Variants in TMEM221 observed in about 807,000 individuals in gnomAD.
TMEM221 encodes Putative transmembrane protein ENSP00000342162.
A neutral mutation model predicts 10.2 loss-of-function variants in TMEM221; 11 were observed. The ratio of observed to expected loss-of-function variants is 1.08; its 90% confidence interval spans 0.68 to 1.79. The LOEUF is 1.79. TMEM221 is among the 40% of genes most tolerant of loss of function. TMEM221 has a pLI of 0.00. For missense variants in TMEM221, 382 were observed against 417.7 expected, an observed-to-expected ratio of 0.91 and a Z score of 0.75; for synonymous variants, 172 against 199.8, an observed-to-expected ratio of 0.86 and a Z score of 1.18.
chr19:17,448,013 G>A lies in TMEM221; in HGVS notation c.320+130C>T, dbSNP rs1276510741. The A allele has an allele frequency of 1.4e-5, 9 of 622,890 alleles. No individual in the cohort carries two copies. The highest frequency in any genetic ancestry group is 2.1e-5 in the Non-Finnish European group (9 of 432,842). The allele number at this position is 622,890 out of a possible 1,614,324, so 38.6% of individuals were successfully genotyped here. A position where few individuals can be genotyped will look rare whatever the true frequency, so the allele number is the denominator to read the frequency against. On this transcript the variant is annotated intron_variant, in intron 1 of 2. Coordinates refer to ENST00000341130, the MANE Select transcript of TMEM221 (RefSeq NM_001190844.2). This position sits in a 1 kb window ranked among gnomAD's most constrained non-coding sequence, Gnocchi z 4.7. ...GAAAGGAGGGAGGCAGAGAGACATG[G>A]AGTGGTGGGGAGAGGGAAGTGGGGA...
At position 17,445,269 on chromosome 19, in the gene TMEM221, G is replaced by C; in HGVS notation, c.336C>G (p.Leu112=). The C allele has an allele frequency of 6.5e-7, 1 of 1,535,828 alleles. No homozygotes were observed. The highest frequency in any genetic ancestry group is 8.7e-7 in the Non-Finnish European group (1 of 1,146,594). The change falls in exon 2 of 3, where the codon CTC becomes CTG. Residue 112 remains leucine, a synonymous_variant. Transcript: ENST00000341130. ...GPGPRRSDWF[L]YDCRLLRHVA... ...CATGTCTGAGGAGGCGGCAGTCGTA[G>C]AGAAACCAGTCAGACCTGGAATGAA...
intron 1 of TMEM221, among the ~76,000 whole-genome samples, chr19:17,447,613 G>A (rs985336336): frequency 3.3e-5 from 5 of 152,172 alleles, no homozygotes; most frequent in Admixed American, 3.3e-4. Context: ...CTACCATGTG[G>A]GACAGCGGAG....
At chr19:17,440,640 G>A (rs1266754821) in intron 2 of TMEM221, among the ~76,000 whole-genome samples, 1 of 152,190 alleles carries the variant, frequency 6.6e-6, no homozygotes, top group South Asian at 2.1e-4. Flanking sequence ...TGAGGCAGGA[G>A]GATTGCTTGA....
intron 2 of TMEM221, among the ~76,000 whole-genome samples, chr19:17,442,786 C>A (rs1225051828): frequency 6.6e-6 from 1 of 151,962 alleles, no homozygotes; most frequent in Non-Finnish European, 1.5e-5. Context: ...CCAGCCACAC[C>A]TGAAGCCAAC....
In TMEM221 at chr19:17,436,456, G is replaced by T; in HGVS notation, c.*2C>A. ...CCAGGTCTCTATTCCTCATCCCTGGGCTCACACCAGTGTGGAGTCCTTCCC... is the reference window on the plus strand; with the variant it reads ...CCAGGTCTCTATTCCTCATCCCTGGTCTCACACCAGTGTGGAGTCCTTCCC... On this transcript the variant is annotated 3_prime_UTR_variant, in exon 3 of 3. Transcript: ENST00000341130. 1 of 1,506,324 alleles carries T rather than the reference G, an allele frequency of 6.6e-7. No individual in the cohort carries two copies. The highest frequency in any genetic ancestry group is 8.9e-7 in the Non-Finnish European group (1 of 1,126,746). 93.3% of individuals were successfully genotyped at this position (1,506,324 alleles called of 1,614,324 possible). A position where few individuals can be genotyped will look rare whatever the true frequency, so the allele number is the denominator to read the frequency against.
rs1206161594 is a variant in TMEM221, at chr19:17,436,075, T to C, written c.*383A>G. On this transcript the variant is annotated 3_prime_UTR_variant, in exon 3 of 3. Transcript: ENST00000341130. The stretch of plus-strand genomic sequence containing the variant: ...TGGATGGAGACACTTAGAGAATCAC[T>C]GCCTAAGCCCCCCGCTCCCCTTATG... 4.7e-5 allele frequency: 8 copies of C among 171,024 alleles called. No individual in the cohort carries two copies. Among genetic ancestry groups the C allele is most frequent in the African/African-American group, 1.9e-4 (8 of 42,268 alleles). 10.6% of individuals were successfully genotyped at this position (171,024 alleles called of 1,614,324 possible).
In TMEM221 at chr19:17,437,450, G is replaced by A. The variant is rs371379735; in HGVS notation, c.407-523C>T. On this transcript the variant is annotated intron_variant, in intron 2 of 2. Coordinates refer to ENST00000341130, the MANE Select transcript of TMEM221 (RefSeq NM_001190844.2). ...GAAAAAAGCAAAACGGGTTCTGGCCGGGCTCAGTGGCTCACGCCTATAATC... is the reference window on the plus strand; with the variant it reads ...GAAAAAAGCAAAACGGGTTCTGGCCAGGCTCAGTGGCTCACGCCTATAATC... Among the ~76,000 whole-genome samples, 29 of 152,328 alleles carry A rather than the reference G, an allele frequency of 1.9e-4. No homozygotes were observed. The South Asian group carries it at 3.9e-3, about 21-fold the overall frequency.
chr19:17,444,621 G>A (rs1477656466), intron 2 of TMEM221, among the ~76,000 whole-genome samples: 3 of 140,254 alleles, frequency 2.1e-5, no homozygotes, highest in Non-Finnish European at 3.1e-5. Context: ...CTCAACCTTC[G>A]GGCTCAAGTG....
At chr19:17,446,383 T>C (rs1194559681) in intron 1 of TMEM221, among the ~76,000 whole-genome samples, 1 of 152,198 alleles carries the variant, frequency 6.6e-6, no homozygotes, top group Non-Finnish European at 1.5e-5. Flanking sequence ...CAAGCTTCTT[T>C]GAGAGATGAG....
At chr19:17,443,048 G>A (rs2074938144) in intron 2 of TMEM221, among the ~76,000 whole-genome samples, 2 of 151,924 alleles carry the variant, frequency 1.3e-5, no homozygotes, top group South Asian at 2.1e-4. Context: ...GGAGGCCGAG[G>A]TTGGTGGATC....
At position 17,436,525 on chromosome 19, in the gene TMEM221, G is replaced by T; in HGVS notation, c.809C>A (p.Thr270Lys). 6.5e-7 allele frequency: 1 copy of T among 1,535,846 alleles called. No homozygotes were observed. The highest frequency in any genetic ancestry group is 8.7e-7 in the Non-Finnish European group (1 of 1,146,774). ...SAGLGHWDGV[T>K]HEMRRMLGHR... The stretch of plus-strand genomic sequence containing the variant: ...GCCCAGCATTCGACGCATCTCGTGC[G>T]TAACCCCGTCCCAGTGCCCCAGGCC... Residue 270 changes from threonine to lysine, a missense_variant, in exon 3 of 3, where the codon ACG becomes AAG. Transcript: ENST00000341130.
intron 2 of TMEM221, among the ~76,000 whole-genome samples, chr19:17,437,431 A>G (rs561109940): frequency 1.3e-5 from 2 of 152,332 alleles, no homozygotes; most frequent in South Asian, 2.1e-4. Flanking sequence ...CTCAGAAAAA[A>G]GCAAAACGGG....
chr19:17,445,456 C>A (rs564908379), intron 1 of TMEM221, among the ~76,000 whole-genome samples, 172 bp from the exon 2 acceptor site: 12 of 152,290 alleles, frequency 7.9e-5, no homozygotes, highest in Admixed American at 7.8e-4. Flanking sequence ...CACCCATTTA[C>A]ATCCATTTAC....
chr19:17,445,933 C>T (rs34304101), intron 1 of TMEM221, among the ~76,000 whole-genome samples: 48,888 of 151,622 alleles, frequency 0.32, 9,261 homozygotes, highest in East Asian at 0.52. Flanking sequence ...CATCCACTAT[C>T]TGATATCTAT....
rs1363143002 is a variant in TMEM221, at chr19:17,438,245, C to T, written c.407-1318G>A. ...CTGGGATTATAGGCACCCACCACCA[C>T]GCCAGCTAATTTTTGTATTTTTAGT... On this transcript the variant is annotated intron_variant, in intron 2 of 2. Coordinates refer to ENST00000341130, the MANE Select transcript of TMEM221 (RefSeq NM_001190844.2). Among the ~76,000 whole-genome samples, 8 of 151,842 alleles carry T rather than the reference C, an allele frequency of 5.3e-5. 1 individual carries two copies. The highest frequency in any genetic ancestry group is 4.2e-4 in the South Asian group (2 of 4,816).
rs529976543 is a variant in TMEM221, at chr19:17,439,292, T to C, written c.407-2365A>G. ...ATGTAAGGAATGAGGCACCGCTCCA[T>C]TCTACAATGTGGATGAACCAGGAAA... On this transcript the variant is annotated intron_variant, in intron 2 of 2. Transcript: ENST00000341130. Among the ~76,000 whole-genome samples the C allele has an allele frequency of 2.0e-5, 3 of 151,528 alleles. No homozygotes were observed. The East Asian group carries it at 5.9e-4, about 30-fold the overall frequency.
intron 2 of TMEM221, chr19:17,444,857 C>A (rs1235526186): frequency 7.4e-6 from 1 of 135,814 alleles, no homozygotes; most frequent in Non-Finnish European, 1.5e-5. Flanking sequence ...GTTGCCCAGG[C>A]TGGTCTCAAA....
In TMEM221 at chr19:17,436,400, G is replaced by A. The variant is rs1264098522; in HGVS notation, c.*58C>T. On this transcript the variant is annotated 3_prime_UTR_variant, in exon 3 of 3. Coordinates refer to ENST00000341130, the MANE Select transcript of TMEM221 (RefSeq NM_001190844.2). The stretch of plus-strand genomic sequence containing the variant: ...TCCTACTGCTACTGCAGCTGAACCC[G>A]AACCTATCTCTATGGTATCCTTTTC... The A allele has an allele frequency of 2.1e-5, 30 of 1,399,450 alleles. No individual in the cohort carries two copies. The highest frequency in any genetic ancestry group is 1.3e-4 in the East Asian group (5 of 38,282). 86.7% of individuals were successfully genotyped at this position (1,399,450 alleles called of 1,614,324 possible).
Position 17,436,084 on chromosome 19 carries a change from C to CT in TMEM221, c.*373_*374insA, listed in dbSNP as rs2074906953. 1 of 177,100 alleles carries CT rather than the reference C, an allele frequency of 5.6e-6. No homozygotes were observed. The highest frequency in any genetic ancestry group is 6.3e-5 in the Admixed American group (1 of 15,940). 11.0% of individuals were successfully genotyped at this position (177,100 alleles called of 1,614,324 possible). ...ACACTTAGAGAATCACTGCCTAAGC[C>CT]CCCCGCTCCCCTTATGCCTGTAACA... is the stretch of plus-strand genomic sequence containing the variant. On this transcript the variant is annotated 3_prime_UTR_variant, in exon 3 of 3. Coordinates refer to ENST00000341130, the MANE Select transcript of TMEM221 (RefSeq NM_001190844.2).
Sources: allele counts gnomAD v4.1 joint callset (sites outside exome capture counted in the v4.1 genomes callset), GRCh38; gene constraint gnomAD v4.1.1; non-coding constraint Gnocchi (gnomAD v3.1); transcripts MANE v1.5; gene names NCBI Gene and HGNC (gene_info 2026-07-23, HGNC 2026-07-21).